The following ABCD3 variants were observed in gnomAD, a reference collection of about 807,000 sequenced individuals.
ABCD3 encodes the protein ATP-binding cassette sub-family D member 3.
ABCD3 carries 41 observed loss-of-function variants against 105.5 expected under a neutral mutation model. The observed-to-expected ratio is 0.39, with a 90% CI of 0.30 to 0.50. The LOEUF (loss-of-function observed/expected upper bound fraction) is 0.50. ABCD3 is among the 20% of genes least tolerant of loss of function. The probability of loss-of-function intolerance (pLI) is 0.84; values close to 1 mark genes in which losing one functional copy is unlikely to be tolerated. For missense variants in ABCD3, 622 were observed against 806.3 expected (o/e 0.77, Z 2.77); for synonymous variants, 258 against 269.0 (o/e 0.96, Z 0.40).
At chr1:94,417,001 C>T (rs897586167), upstream of ABCD3, among the ~76,000 whole-genome samples, 2 of 152,242 alleles carry the variant, frequency 1.3e-5, no homozygotes, top group African/African-American at 4.8e-5. Flanking sequence ...GGACAATTTT[C>T]CAAGTATCTT....
intron 9 of ABCD3, chr1:94,482,210 C>T (rs913743013): frequency 9.2e-5 from 14 of 152,068 alleles, no homozygotes; most frequent in Non-Finnish European, 1.0e-4. Context: ...AACCATGAAA[C>T]GCGTGACAAA....
chr1:94,429,693 C>G (rs555216047), intron 1 of ABCD3, among the ~76,000 whole-genome samples: 2 of 152,244 alleles, frequency 1.3e-5, no homozygotes, highest in African/African-American at 4.8e-5. Flanking sequence ...GTTTGGGAAC[C>G]TCTGCCTAGA....
At chr1:94,492,973 T>TTA in intron 16 of ABCD3, among the ~76,000 whole-genome samples, 1 of 152,284 alleles carries the variant, frequency 6.6e-6, no homozygotes, top group South Asian at 2.1e-4. Context: ...TAATTTCACT[T>TTA]TTATAGTCTT....
intron 4 of ABCD3, among the ~76,000 whole-genome samples, chr1:94,469,500 T>TC (rs1648337711): frequency 6.6e-6 from 1 of 151,050 alleles, no homozygotes; most frequent in African/African-American, 2.4e-5. Context: ...AGTTTTTTTT[T>TC]TTTTTTTTTA....
At chr1:94,494,048 A>G (rs957147934) in intron 16 of ABCD3, among the ~76,000 whole-genome samples, 2 of 152,084 alleles carry the variant, frequency 1.3e-5, no homozygotes, top group Non-Finnish European at 2.9e-5. Flanking sequence ...TACATATGTA[A>G]CTAACCTGCA....
rs1651023304 is a variant in ABCD3 at position 94,518,353 on chromosome 1, T to G, written c.*1224T>G. 1 of 152,272 alleles carries G rather than the reference T, an allele frequency of 6.6e-6. No homozygotes were observed. The highest frequency in any genetic ancestry group is 6.6e-5 in the Admixed American group (1 of 15,202). The allele number at this position is 152,272 out of a possible 1,614,324, so 9.4% of individuals were successfully genotyped here. On this transcript the variant is annotated 3_prime_UTR_variant, in exon 23 of 23. Coordinates refer to ENST00000370214, the MANE Select transcript of ABCD3 (RefSeq NM_002858.4). ...GGCATTTTGTACTCTTGTTTTTGCA[T>G]AACTGGTTTTGTTTTTTTGCAGAAT...
the ABCD3 span, among the ~76,000 whole-genome samples, chr1:94,406,024 C>A: frequency 6.6e-6 from 1 of 151,710 alleles, no homozygotes; most frequent in Non-Finnish European, 1.5e-5. Flanking sequence ...GAGGTATTTA[C>A]CCATGTTTTC....
At chr1:94,515,761 T>C (rs1650887453) in intron 22 of ABCD3, among the ~76,000 whole-genome samples, 1 of 151,954 alleles carries the variant, frequency 6.6e-6, no homozygotes, top group Non-Finnish European at 1.5e-5. Context: ...TTCAACTCAA[T>C]GTGAAATGCT....
chr1:94,400,436 A>G, the ABCD3 span, among the ~76,000 whole-genome samples: 2 of 152,004 alleles, frequency 1.3e-5, no homozygotes, highest in Non-Finnish European at 2.9e-5. Flanking sequence ...AAGGAAAGTC[A>G]TTGATAAAAT....
intron 1 of ABCD3, among the ~76,000 whole-genome samples, chr1:94,442,380 G>T (rs1570750286): frequency 6.6e-6 from 1 of 152,086 alleles, no homozygotes; most frequent in African/African-American, 2.4e-5. Context: ...TTTTATGAGT[G>T]TAGTGAATCT....
At chr1:94,449,218 C>CGTAGTT (rs1489430596) in intron 1 of ABCD3, among the ~76,000 whole-genome samples, 1 of 152,190 alleles carries the variant, frequency 6.6e-6, no homozygotes, top group East Asian at 1.9e-4. Context: ...CCGAGGACCC[C>CGTAGTT]GTAGTTGCAG....
At chr1:94,481,715 C>G (rs1457127456) in intron 9 of ABCD3, 2 of 152,234 alleles carry the variant, frequency 1.3e-5, no homozygotes, top group East Asian at 3.9e-4. Context: ...GCTCCAGAAA[C>G]AAAAAGGGGC....
Position 94,517,683 on chromosome 1 carries a change from T to C in ABCD3, c.*554T>C, listed in dbSNP as rs2101078373. On this transcript the variant is annotated 3_prime_UTR_variant, in exon 23 of 23. Coordinates refer to ENST00000370214, the MANE Select transcript of ABCD3 (RefSeq NM_002858.4). Reference sequence around the variant, plus strand: ...AGCTGCCACAGTAATACTCATTCCTTGTGTGTGTCTTGGAGTGCATTTGAC... The same window carrying C: ...AGCTGCCACAGTAATACTCATTCCTCGTGTGTGTCTTGGAGTGCATTTGAC... 2 of 159,626 alleles carry C rather than the reference T, an allele frequency of 1.3e-5. No homozygotes were observed. The highest frequency in any genetic ancestry group is 3.6e-4 in the South Asian group (2 of 5,532). 9.9% of individuals were successfully genotyped at this position (159,626 alleles called of 1,614,324 possible).
At chr1:94,499,425 AAAAT>A in intron 19 of ABCD3, 66 bp from the exon 20 acceptor site, 1 of 1,491,772 alleles carries the variant, frequency 6.7e-7, no homozygotes, top group Non-Finnish European at 9.3e-7. Flanking sequence ...TCCAGTTTAA[AAAAT>A]AAACCACTAT....
the ABCD3 span, among the ~76,000 whole-genome samples, chr1:94,402,322 T>C: frequency 1.3e-5 from 2 of 152,252 alleles, no homozygotes; most frequent in Non-Finnish European, 1.5e-5. Context: ...TAATTTCTAA[T>C]TTATCAAAAG....
At chr1:94,512,023 C>T (rs545009998) in intron 21 of ABCD3, among the ~76,000 whole-genome samples, 105 of 152,194 alleles carry the variant, frequency 6.9e-4, no homozygotes, top group South Asian at 3.5e-3. Context: ...AGCTTTGTTC[C>T]GTTGCTGGTG....
At chr1:94,422,782 C>G (rs530041999) in intron 1 of ABCD3, among the ~76,000 whole-genome samples, 3 of 152,246 alleles carry the variant, frequency 2.0e-5, no homozygotes, top group Non-Finnish European at 4.4e-5. Context: ...AGTTGTGTAC[C>G]TGAGCATATA....
chr1:94,390,853 G>T, the ABCD3 span, among the ~76,000 whole-genome samples: 1 of 152,148 alleles, frequency 6.6e-6, no homozygotes, highest in African/African-American at 2.4e-5. Context: ...CCCCTAAACC[G>T]ATTATGAGAC....
At chr1:94,477,657 A>G (rs1648829398) in intron 7 of ABCD3, among the ~76,000 whole-genome samples, 1 of 151,814 alleles carries the variant, frequency 6.6e-6, no homozygotes, top group Non-Finnish European at 1.5e-5. Flanking sequence ...AAACATTTCA[A>G]ACTAATGCAG....
Sources: allele counts gnomAD v4.1 joint callset (sites outside exome capture counted in the v4.1 genomes callset), GRCh38; gene constraint gnomAD v4.1.1; transcripts MANE v1.5; gene names NCBI Gene and HGNC (gene_info 2026-07-23, HGNC 2026-07-21).